TRAM2: variants seen among roughly 807,000 people sequenced by gnomAD.
TRAM2 encodes translocating chain-associated membrane protein 2.
Under a neutral mutation model 51.0 loss-of-function variants are expected in TRAM2, and 12 were observed. That is an observed-to-expected ratio of 0.24 (90% confidence interval 0.15 to 0.38). The LOEUF is 0.38. Ranked by LOEUF, TRAM2 falls within the 10% of genes least tolerant of loss-of-function variation. The probability of loss-of-function intolerance (pLI) is 1.00; values close to 1 mark genes in which losing one functional copy is unlikely to be tolerated. For synonymous variants in TRAM2, 175 were observed against 179.4 expected (o/e 0.98, Z 0.20); for missense variants, 361 against 462.0 (o/e 0.78, Z 2.00).
Position 52,553,784 on chromosome 6 carries a change from A to C in TRAM2, c.121-17938T>G, listed in dbSNP as rs749699938. On this transcript the variant is annotated intron_variant, in intron 1 of 10. Transcript: ENST00000182527. ...GACAGAGATAGAATCCATAAAGAGG[A>C]CTATGGAGGGGACTAGTGGGATTAG... Among the ~76,000 whole-genome samples, 52 of 152,308 alleles carry C rather than the reference A, an allele frequency of 3.4e-4. 1 individual carries two copies. Among genetic ancestry groups the C allele is most frequent in the South Asian group, 4.1e-4 (2 of 4,824 alleles).
intron 1 of TRAM2, among the ~76,000 whole-genome samples, chr6:52,550,847 G>A (rs142423960): frequency 1.3e-5 from 2 of 152,154 alleles, no homozygotes; most frequent in African/African-American, 4.8e-5. Context: ...GGGATTACAG[G>A]AGTGTGCCAC....
chr6:52,567,236 T>C (rs1767604638), intron 1 of TRAM2, among the ~76,000 whole-genome samples: 1 of 152,226 alleles, frequency 6.6e-6, no homozygotes, highest in Non-Finnish European at 1.5e-5. Flanking sequence ...AAGTGGTCAG[T>C]GAAAATCTGG....
intron 2 of TRAM2, among the ~76,000 whole-genome samples, chr6:52,531,229 TG>T (rs1402305550): frequency 6.6e-6 from 1 of 151,452 alleles, no homozygotes; most frequent in Non-Finnish European, 1.5e-5. Context: ...TATTGTAAAG[TG>T]TTTTTTCCCA....
chr6:52,507,163 G>A (rs1430449711), intron 7 of TRAM2, among the ~76,000 whole-genome samples: 2 of 152,204 alleles, frequency 1.3e-5, no homozygotes, highest in African/African-American at 2.4e-5. Context: ...CTCTAGCAGT[G>A]TTTGCATTGG....
rs570675104 is a variant in TRAM2, at chr6:52,511,954, C to T, written c.412-2368G>A. The stretch of plus-strand genomic sequence containing the variant: ...AGTGGATGAGGCTCTCGGGTGGTGG[C>T]GTGTGTGGTGGCGGTGACAGTTGTG... On this transcript the variant is annotated intron_variant, in intron 4 of 10. Transcript: ENST00000182527. Among the ~76,000 whole-genome samples the T allele has an allele frequency of 2.6e-5, 4 of 152,164 alleles. No homozygotes were observed. In the East Asian group the frequency reaches 7.7e-4, roughly 29 times the overall value.
rs557018962 is a variant in TRAM2 at position 52,497,472 on chromosome 6, A to T, written c.*5725T>A. 1 of 152,804 alleles carries T rather than the reference A, an allele frequency of 6.5e-6. No individual in the cohort carries two copies. The highest frequency in any genetic ancestry group is 6.5e-5 in the Admixed American group (1 of 15,306). 9.5% of individuals were successfully genotyped at this position (152,804 alleles called of 1,614,324 possible). ...ATCATTTGTTCCAAAATGTACATTT[A>T]AAAAATCCATACAAAACTGTAATTT... On this transcript the variant is annotated 3_prime_UTR_variant, in exon 11 of 11. Coordinates refer to ENST00000182527, the MANE Select transcript of TRAM2 (RefSeq NM_012288.4).
intron 2 of TRAM2, among the ~76,000 whole-genome samples, chr6:52,519,228 C>T (rs1766617273): frequency 6.6e-6 from 1 of 152,192 alleles, no homozygotes; most frequent in Non-Finnish European, 1.5e-5. Flanking sequence ...GGGTACACAC[C>T]ACATCCTTGT....
chr6:52,507,712 GC>G, intron 6 of TRAM2, 89 bp from the exon 7 acceptor site: 1 of 1,284,848 alleles, frequency 7.8e-7, no homozygotes, highest in Non-Finnish European at 1.1e-6. Context: ...ATGAGAGAGG[GC>G]CAGGCTCCTC....
At chr6:52,534,849 A>T (rs890807944) in intron 2 of TRAM2, among the ~76,000 whole-genome samples, 12 of 152,182 alleles carry the variant, frequency 7.9e-5, no homozygotes, top group African/African-American at 2.9e-4. Flanking sequence ...CTGCTCCTTG[A>T]GCTGTAGCCC....
chr6:52,567,113 G>A (rs1471908650), intron 1 of TRAM2, among the ~76,000 whole-genome samples: 1 of 152,210 alleles, frequency 6.6e-6, no homozygotes, highest in Non-Finnish European at 1.5e-5. Context: ...GCTCAGTTCA[G>A]ACTCACGTCC....
chr6:52,512,471 AG>A (rs1472895871), intron 4 of TRAM2, among the ~76,000 whole-genome samples: 1 of 152,174 alleles, frequency 6.6e-6, no homozygotes, highest in East Asian at 1.9e-4. Flanking sequence ...CTGTCCAGGC[AG>A]CTGTCTGAAG....
At chr6:52,553,754 G>A (rs1767352165) in intron 1 of TRAM2, among the ~76,000 whole-genome samples, 2 of 152,192 alleles carry the variant, frequency 1.3e-5, no homozygotes, top group African/African-American at 4.8e-5. Context: ...CAGTTGCTTG[G>A]TGTAGACAGA....
At chr6:52,511,692 T>A (rs951933749) in intron 4 of TRAM2, among the ~76,000 whole-genome samples, 14 of 152,214 alleles carry the variant, frequency 9.2e-5, no homozygotes, top group Non-Finnish European at 4.4e-5. Flanking sequence ...AAACGCCCTG[T>A]GACCTATCAG....
chr6:52,553,193 C>T (rs1404574656), intron 1 of TRAM2, among the ~76,000 whole-genome samples: 1 of 152,196 alleles, frequency 6.6e-6, no homozygotes, highest in South Asian at 2.1e-4. Context: ...TGCCTCTCCA[C>T]ATTTGATTAT....
At chr6:52,532,948 T>C (rs1766917145) in intron 2 of TRAM2, among the ~76,000 whole-genome samples, 1 of 152,226 alleles carries the variant, frequency 6.6e-6, no homozygotes, top group African/African-American at 2.4e-5. Context: ...ATCACTCATA[T>C]AAATGTATTT....
intron 1 of TRAM2, among the ~76,000 whole-genome samples, chr6:52,546,900 C>T (rs1767211966): frequency 6.6e-6 from 1 of 152,126 alleles, no homozygotes. Context: ...TCTGATGGGT[C>T]CCAAGTGCCT....
At chr6:52,563,851 AT>A (rs11405487) in intron 1 of TRAM2, among the ~76,000 whole-genome samples, 46,999 of 136,902 alleles carry the variant, frequency 0.34, 7,797 homozygotes, top group Non-Finnish European at 0.39. Context: ...AAAAACACTT[AT>A]TTTTTTTTTT....
intron 2 of TRAM2, among the ~76,000 whole-genome samples, chr6:52,527,247 G>A (rs780121467): frequency 3.2e-4 from 49 of 151,816 alleles, no homozygotes; most frequent in East Asian, 5.8e-4. Flanking sequence ...GCGTGGTGGC[G>A]GGCGCCTGCA....
At chr6:52,570,685 C>G (rs865785232) in intron 1 of TRAM2, among the ~76,000 whole-genome samples, 6 of 151,952 alleles carry the variant, frequency 3.9e-5, no homozygotes, top group East Asian at 1.9e-4. Context: ...AAAGCCGTCA[C>G]GAGGCAACGT....
Sources: gnomAD v4.1 joint callset for allele counts (sites outside exome capture counted in the v4.1 genomes callset) on GRCh38, gnomAD v4.1.1 for gene constraint, MANE v1.5 for transcripts, NCBI Gene and HGNC (gene_info 2026-07-23, HGNC 2026-07-21) for gene names.